The following SOX6 variants were observed in gnomAD, a reference collection of about 807,000 sequenced individuals.
SOX6 encodes the protein SRY-box transcription factor 6.
A neutral mutation model predicts 97.8 loss-of-function variants in SOX6; 11 were observed. The ratio of observed to expected loss-of-function variants is 0.11; its 90% CI spans 0.07 to 0.19. SOX6 has a LOEUF of 0.19. Ranked by LOEUF, SOX6 falls within the 10% of genes least tolerant of loss-of-function variation. SOX6 has a pLI of 1.00. For synonymous variants in SOX6, 360 were observed against 371.4 expected, an observed-to-expected ratio of 0.97 and a Z score of 0.35; for missense variants, 810 against 1,039.5, an observed-to-expected ratio of 0.78 and a Z score of 3.04.
intron 3 of SOX6, among the ~76,000 whole-genome samples, chr11:16,682,309 G>C (rs886719547): frequency 2.0e-5 from 3 of 152,188 alleles, no homozygotes; most frequent in Non-Finnish European, 4.4e-5. Flanking sequence ...GACAGAACAA[G>C]ACTCCGTCTC....
intron 1 of SOX6, among the ~76,000 whole-genome samples, chr11:16,459,790 G>T (rs950172090): frequency 6.6e-6 from 1 of 151,872 alleles, no homozygotes; most frequent in Admixed American, 6.6e-5. Context: ...AATGTGGGGT[G>T]AAAAAGATGA....
intron 3 of SOX6, among the ~76,000 whole-genome samples, chr11:16,262,086 T>G (rs1853917204): frequency 6.6e-6 from 1 of 152,048 alleles, no homozygotes; most frequent in South Asian, 2.1e-4. Flanking sequence ...TTGATGTTCT[T>G]CTTAATCCTC....
chr11:16,509,432 A>G (rs575275634), intron 4 of SOX6, among the ~76,000 whole-genome samples: 1 of 152,046 alleles, frequency 6.6e-6, no homozygotes, highest in Non-Finnish European at 1.5e-5. Context: ...AGTACAACTG[A>G]CTAAATCTAA....
At chr11:16,406,184 A>C (rs1245144405) in intron 1 of SOX6, among the ~76,000 whole-genome samples, 1 of 152,062 alleles carries the variant, frequency 6.6e-6, no homozygotes, top group Non-Finnish European at 1.5e-5. Context: ...TTGCTCTAGA[A>C]ATTTCTTGAA....
chr11:16,007,201 C>T (rs759078602), intron 13 of SOX6, among the ~76,000 whole-genome samples: 20 of 152,218 alleles, frequency 1.3e-4, no homozygotes, highest in Admixed American at 5.9e-4. Context: ...GTCTACTGTA[C>T]ACCTAGGCTA....
At chr11:16,474,476 T>C (rs1178435790) in intron 1 of SOX6, among the ~76,000 whole-genome samples, 1 of 152,196 alleles carries the variant, frequency 6.6e-6, no homozygotes, top group Non-Finnish European at 1.5e-5. Flanking sequence ...ACAGAATGGA[T>C]GCTCTGTTAG....
intron 9 of SOX6, among the ~76,000 whole-genome samples, chr11:16,076,074 C>T (rs548318575): frequency 1.1e-4 from 16 of 152,142 alleles, no homozygotes; most frequent in African/African-American, 3.9e-4. Context: ...AATACTGAAG[C>T]TGGACCCCTT....
intron 3 of SOX6, among the ~76,000 whole-genome samples, chr11:16,662,037 T>A (rs1260601643): frequency 6.6e-6 from 1 of 152,230 alleles, no homozygotes; most frequent in Non-Finnish European, 1.5e-5. Flanking sequence ...TGAATAGTTA[T>A]CTATTAAATC....
intron 6 of SOX6, among the ~76,000 whole-genome samples, chr11:16,133,265 TCTC>T (rs1207093923): frequency 1.3e-5 from 2 of 152,194 alleles, no homozygotes; most frequent in African/African-American, 2.4e-5. Flanking sequence ...TTCTTCATGT[TCTC>T]CTTCTCTAGA....
intron 6 of SOX6, among the ~76,000 whole-genome samples, chr11:16,131,664 T>A (rs1316334584): frequency 6.6e-6 from 1 of 151,956 alleles, no homozygotes; most frequent in African/African-American, 2.4e-5. Flanking sequence ...ATAGCTGAAA[T>A]CAACTCAATG....
chr11:16,666,291 C>G (rs2134021752), intron 3 of SOX6, among the ~76,000 whole-genome samples: 1 of 152,250 alleles, frequency 6.6e-6, no homozygotes, highest in East Asian at 1.9e-4. Flanking sequence ...TTCAAGATAG[C>G]TGTTTGAGGA....
chr11:16,028,595 T>C (rs1403462077), intron 12 of SOX6, among the ~76,000 whole-genome samples: 1 of 152,226 alleles, frequency 6.6e-6, no homozygotes, highest in African/African-American at 2.4e-5. Flanking sequence ...CACTGTTACA[T>C]TCCTCTGATT....
At chr11:16,199,592 C>T (rs1851879002) in intron 4 of SOX6, among the ~76,000 whole-genome samples, 1 of 152,124 alleles carries the variant, frequency 6.6e-6, no homozygotes, top group Admixed American at 6.5e-5. Flanking sequence ...TTCACATAGC[C>T]TTCAAGCCTT....
intron 12 of SOX6, among the ~76,000 whole-genome samples, chr11:16,029,697 A>G (rs1185633636): frequency 6.6e-6 from 1 of 152,140 alleles, no homozygotes; most frequent in Non-Finnish European, 1.5e-5. Flanking sequence ...GGATTTGAAC[A>G]GTCTCAGGGA....
At chr11:16,370,813 G>C (rs1433836686) in intron 1 of SOX6, among the ~76,000 whole-genome samples, 1 of 151,894 alleles carries the variant, frequency 6.6e-6, no homozygotes, top group Non-Finnish European at 1.5e-5. Context: ...AAAGCCCCGT[G>C]AGTTCTTCAT....
At chr11:16,393,435 C>CAT (rs1357454242) in intron 1 of SOX6, among the ~76,000 whole-genome samples, 2 of 151,750 alleles carry the variant, frequency 1.3e-5, no homozygotes, top group African/African-American at 2.4e-5. Context: ...CCTACCTGCA[C>CAT]ATATATATAT....
At chr11:16,112,235 TAA>T (rs1849248883) in intron 6 of SOX6, among the ~76,000 whole-genome samples, 1 of 152,198 alleles carries the variant, frequency 6.6e-6, no homozygotes, top group Admixed American at 6.5e-5. Flanking sequence ...CTAGAAGAAA[TAA>T]GTTTGCTTCC....
chr11:16,327,362 C>A (rs1365023126), intron 2 of SOX6, among the ~76,000 whole-genome samples: 2 of 151,822 alleles, frequency 1.3e-5, no homozygotes, highest in East Asian at 3.9e-4. Flanking sequence ...TTTCTATTTT[C>A]AATTCTGAAA....
intron 9 of SOX6, among the ~76,000 whole-genome samples, chr11:16,091,983 T>C (rs1412781378): frequency 6.6e-6 from 1 of 152,042 alleles, no homozygotes; most frequent in African/African-American, 2.4e-5. Flanking sequence ...TGTAACAATA[T>C]TAAGTTTGTT....
Sources: gnomAD v4.1 joint callset for allele counts (sites outside exome capture counted in the v4.1 genomes callset) on GRCh38, gnomAD v4.1.1 for gene constraint, MANE v1.5 for transcripts, NCBI Gene and HGNC (gene_info 2026-07-23, HGNC 2026-07-21) for gene names.